ZC2HC1B: variants seen among roughly 807,000 people sequenced by gnomAD.
ZC2HC1B encodes zinc finger C2HC-type containing 1B.
ZC2HC1B carries 36 observed loss-of-function variants against 31.0 expected under a neutral mutation model. The observed-to-expected ratio is 1.16, with a 90% CI of 0.89 to 1.54. The LOEUF is 1.54. Among genes scored for constraint, ZC2HC1B ranks in the 40% most tolerant of loss-of-function variants. The pLI is 0.00. For synonymous variants in ZC2HC1B, 73 were observed against 88.0 expected (o/e 0.83, Z 0.95); for missense variants, 260 against 268.6 (o/e 0.97, Z 0.22).
In ZC2HC1B at chr6:143,938,030, G is replaced by T. The variant is rs1778198608; in HGVS notation, c.*15-112G>T. On this transcript the variant is annotated intron_variant, in intron 7 of 7. Coordinates refer to ENST00000237275, the MANE Select transcript of ZC2HC1B (RefSeq NM_001013623.3). This position sits in a 1 kb window ranked among gnomAD's most constrained non-coding sequence, Gnocchi z 4.2. ...CCTCACAAAGAATAGTTCCCTGAGGGTGTGAATTGTTTGTAAAATAATTAA... is the reference window on the plus strand; with the variant it reads ...CCTCACAAAGAATAGTTCCCTGAGGTTGTGAATTGTTTGTAAAATAATTAA... 1.0e-5 allele frequency: 2 copies of T among 191,962 alleles called. No individual in the cohort carries two copies. Among genetic ancestry groups the T allele is most frequent in the South Asian group, 3.1e-4 (2 of 6,520 alleles). 11.9% of individuals were successfully genotyped at this position (191,962 alleles called of 1,614,324 possible).
intron 1 of ZC2HC1B, among the ~76,000 whole-genome samples, chr6:143,864,924 A>T (rs529453760): frequency 6.4e-4 from 98 of 152,340 alleles, no homozygotes; most frequent in Non-Finnish European, 1.3e-3. Context: ...TCAACTGAAG[A>T]TTCTCAAAAA....
chr6:143,904,550 T>G (rs1777772663), intron 6 of ZC2HC1B, among the ~76,000 whole-genome samples: 2 of 152,202 alleles, frequency 1.3e-5, no homozygotes, highest in Non-Finnish European at 2.9e-5. Context: ...TTCGTAGAGA[T>G]GAGTTCTCAC....
Position 143,905,255 on chromosome 6 carries a change from G to A in ZC2HC1B, c.598+2103G>A, listed in dbSNP as rs1429744820. On this transcript the variant is annotated intron_variant, in intron 6 of 7. Coordinates refer to ENST00000237275, the MANE Select transcript of ZC2HC1B (RefSeq NM_001013623.3). This position sits in a 1 kb window ranked among gnomAD's most constrained non-coding sequence, Gnocchi z 4.2. ...CTTTAATTTCTTTCAGCAATGTTTT[G>A]TAGTTTTCATTGTACAAATCTTTCA... 6.6e-6 allele frequency among the ~76,000 whole-genome samples: 1 copy of A among 152,098 alleles called. No individual in the cohort carries two copies. Among genetic ancestry groups the A allele is most frequent in the Non-Finnish European group, 1.5e-5 (1 of 68,002 alleles).
chr6:143,937,793 G>C lies in ZC2HC1B; in HGVS notation c.*14+60G>C, dbSNP rs79342381. ...GCTGACCAGTTAATGACTTTTAAGA[G>C]AATGGATGCATAGTAAGCAAACTGA... On this transcript the variant is annotated intron_variant, in intron 7 of 7. Coordinates refer to ENST00000237275, the MANE Select transcript of ZC2HC1B (RefSeq NM_001013623.3). The C allele has an allele frequency of 2.0e-3, 2,556 of 1,289,974 alleles. 42 individuals carry two copies. The African/African-American group carries it at 0.028, about 14-fold the overall frequency. The allele number at this position is 1,289,974 out of a possible 1,614,324, so 79.9% of individuals were successfully genotyped here.
chr6:143,915,529 G>A lies in ZC2HC1B; in HGVS notation c.598+12377G>A, dbSNP rs769220325. On this transcript the variant is annotated intron_variant, in intron 6 of 7. Coordinates refer to ENST00000237275, the MANE Select transcript of ZC2HC1B (RefSeq NM_001013623.3). This position sits in a 1 kb window ranked among gnomAD's most constrained non-coding sequence, Gnocchi z 5.2. ...AGGCAGAGGTTGGAACAGTTTGGAG[G>A]CCTCAGAAAAAGGCAGGAAAATGTG... Among the ~76,000 whole-genome samples, 12 of 152,200 alleles carry A rather than the reference G, an allele frequency of 7.9e-5. No homozygotes were observed. The highest frequency in any genetic ancestry group is 1.6e-4 in the Non-Finnish European group (11 of 68,040).
chr6:143,937,388 G>A (rs1252308521), intron 6 of ZC2HC1B, among the ~76,000 whole-genome samples: 2 of 152,134 alleles, frequency 1.3e-5, no homozygotes, highest in Non-Finnish European at 2.9e-5. Context: ...GTCACTTGAG[G>A]TGCAGTCCAA....
intron 6 of ZC2HC1B, among the ~76,000 whole-genome samples, chr6:143,929,811 A>G (rs1778096765): frequency 6.6e-6 from 1 of 152,046 alleles, no homozygotes; most frequent in African/African-American, 2.4e-5. Context: ...TCCTGGTTCA[A>G]TCTTGGGAGG....
Position 143,895,407 on chromosome 6 carries a change from C to T in ZC2HC1B, c.350-3145C>T, listed in dbSNP as rs2128494666. 6.6e-6 allele frequency among the ~76,000 whole-genome samples: 1 copy of T among 152,274 alleles called. No homozygotes were observed. Among genetic ancestry groups the T allele is most frequent in the Non-Finnish European group, 1.5e-5 (1 of 68,026 alleles). ...TGAACTCCTGACCTCAGGTAATGCA[C>T]ATGCCTCGGCCTCCCAAAGTGCTGG... On this transcript the variant is annotated intron_variant, in intron 4 of 7. Coordinates refer to ENST00000237275, the MANE Select transcript of ZC2HC1B (RefSeq NM_001013623.3). The surrounding 1 kb of genome is among the most constrained non-coding windows in gnomAD (Gnocchi z 4.8).
intron 6 of ZC2HC1B, among the ~76,000 whole-genome samples, chr6:143,909,547 T>C (rs1035644033): frequency 0.013 from 1,971 of 150,348 alleles, 21 homozygotes; most frequent in Middle Eastern, 0.021. Flanking sequence ...TTTTTTTTTT[T>C]CCCGGCTGGT....
At chr6:143,901,274 T>TTC (rs1777735424) in intron 5 of ZC2HC1B, among the ~76,000 whole-genome samples, 1 of 139,634 alleles carries the variant, frequency 7.2e-6, no homozygotes, top group South Asian at 2.4e-4. Flanking sequence ...TTTTTTTTTT[T>TTC]TTTGAGACAG....
At chr6:143,900,545 T>TGTCCTTGATTGACAG (rs1777725198) in intron 5 of ZC2HC1B, among the ~76,000 whole-genome samples, 2 of 152,162 alleles carry the variant, frequency 1.3e-5, no homozygotes, top group Admixed American at 6.5e-5. Context: ...AATCAAGGAC[T>TGTCCTTGATTGACAG]GTCCTTGATT....
intron 1 of ZC2HC1B, among the ~76,000 whole-genome samples, chr6:143,873,770 G>A (rs1376304822): frequency 6.6e-6 from 1 of 152,222 alleles, no homozygotes; most frequent in Non-Finnish European, 1.5e-5. Context: ...TCCCTAGGCT[G>A]TACATGGGTA....
At position 143,905,699 on chromosome 6, in the gene ZC2HC1B, T is replaced by G. The variant is rs537864252; in HGVS notation, c.598+2547T>G. Among the ~76,000 whole-genome samples, 1 of 152,166 alleles carries G rather than the reference T, an allele frequency of 6.6e-6. No individual in the cohort carries two copies. The highest frequency in any genetic ancestry group is 1.5e-5 in the Non-Finnish European group (1 of 68,018). ...TGGTGATCTCTGTGGGTTTTACATG[T>G]ATGGTTTTTATTATGTTGAGGTAGT... On this transcript the variant is annotated intron_variant, in intron 6 of 7. Transcript: ENST00000237275. The surrounding 1 kb of genome is among the most constrained non-coding windows in gnomAD (Gnocchi z 4.2).
At position 143,895,812 on chromosome 6, in the gene ZC2HC1B, T is replaced by G. The variant is rs1331611277; in HGVS notation, c.350-2740T>G. ...TAATGCTTGGTTTTCCACTTTTCTCTGAGATCTGGCCACCATATTCCTCGA... is the reference window on the plus strand; with the variant it reads ...TAATGCTTGGTTTTCCACTTTTCTCGGAGATCTGGCCACCATATTCCTCGA... On this transcript the variant is annotated intron_variant, in intron 4 of 7. Coordinates refer to ENST00000237275, the MANE Select transcript of ZC2HC1B (RefSeq NM_001013623.3). The surrounding 1 kb of genome is among the most constrained non-coding windows in gnomAD (Gnocchi z 4.8). 6.6e-6 allele frequency among the ~76,000 whole-genome samples: 1 copy of G among 152,208 alleles called. No individual in the cohort carries two copies. The highest frequency in any genetic ancestry group is 1.5e-5 in the Non-Finnish European group (1 of 68,032).
At chr6:143,935,683 ATCTC>A (rs1352032022) in intron 6 of ZC2HC1B, among the ~76,000 whole-genome samples, 1 of 96,214 alleles carries the variant, frequency 1.0e-5, no homozygotes, top group African/African-American at 4.4e-5. Flanking sequence ...TTGAGACAGG[ATCTC>A]TCTGTCGCCC....
chr6:143,936,870 A>G (rs1778184861), intron 6 of ZC2HC1B, among the ~76,000 whole-genome samples: 1 of 152,208 alleles, frequency 6.6e-6, no homozygotes, highest in African/African-American at 2.4e-5. Context: ...ACAGTTGTGG[A>G]TTCTTTGGCA....
At chr6:143,929,802 C>T (rs1778096703) in intron 6 of ZC2HC1B, among the ~76,000 whole-genome samples, 1 of 152,090 alleles carries the variant, frequency 6.6e-6, no homozygotes. Context: ...TCTATTTCTT[C>T]CTGGTTCAAT....
At position 143,923,884 on chromosome 6, in the gene ZC2HC1B, G is replaced by T. The variant is rs1410416266; in HGVS notation, c.599-13765G>T. On this transcript the variant is annotated intron_variant, in intron 6 of 7. Coordinates refer to ENST00000237275, the MANE Select transcript of ZC2HC1B (RefSeq NM_001013623.3). The surrounding 1 kb of genome is among the most constrained non-coding windows in gnomAD (Gnocchi z 4.8). ...TATATTTTGAAATCAGGTATGTGAT[G>T]CCTCCAGCTTTGTTTTTTTTTACTC... Among the ~76,000 whole-genome samples, 1 of 151,570 alleles carries T rather than the reference G, an allele frequency of 6.6e-6. No homozygotes were observed. The highest frequency in any genetic ancestry group is 1.9e-4 in the East Asian group (1 of 5,194).
chr6:143,866,591 A>C (rs1777266635), intron 1 of ZC2HC1B, among the ~76,000 whole-genome samples: 1 of 152,194 alleles, frequency 6.6e-6, no homozygotes, highest in Admixed American at 6.5e-5. Flanking sequence ...TGTGTCTATT[A>C]CCTGTGATGC....
Sources: allele counts gnomAD v4.1 joint callset (sites outside exome capture counted in the v4.1 genomes callset), GRCh38; gene constraint gnomAD v4.1.1; non-coding constraint Gnocchi (gnomAD v3.1); transcripts MANE v1.5; gene names NCBI Gene and HGNC (gene_info 2026-07-23, HGNC 2026-07-21).